Variants in AFF3 observed in about 807,000 individuals in gnomAD.
The protein encoded by AFF3 is AF4/FMR2 family member 3.
Under a neutral mutation model 129.7 loss-of-function variants are expected in AFF3, and 32 were observed. The ratio of observed to expected loss-of-function variants is 0.25; its 90% CI spans 0.19 to 0.33. The LOEUF (loss-of-function observed/expected upper bound fraction) is 0.33. AFF3 is among the 10% of genes least tolerant of loss of function. The probability of loss-of-function intolerance (pLI) is 1.00; values close to 1 mark genes in which losing one functional copy is unlikely to be tolerated. For synonymous variants in AFF3, 644 were observed against 635.4 expected, an observed-to-expected ratio of 1.01 and a Z score of -0.20; for missense variants, 1,373 against 1,592.0, an observed-to-expected ratio of 0.86 and a Z score of 2.34.
At chr2:99,770,333 T>A (rs963343868) in intron 8 of AFF3, among the ~76,000 whole-genome samples, 7 of 152,030 alleles carry the variant, frequency 4.6e-5, no homozygotes, top group Admixed American at 3.9e-4. Flanking sequence ...GGCCCCTCAG[T>A]CAAGTCGTGG....
At chr2:100,017,794 A>C (rs1243851619) in intron 4 of AFF3, among the ~76,000 whole-genome samples, 3 of 152,212 alleles carry the variant, frequency 2.0e-5, no homozygotes, top group African/African-American at 7.2e-5. Context: ...CATAACCAGT[A>C]AGCGACATCA....
At chr2:99,826,956 C>T (rs563485049) in intron 8 of AFF3, among the ~76,000 whole-genome samples, 7 of 151,930 alleles carry the variant, frequency 4.6e-5, no homozygotes, top group South Asian at 2.1e-4. Context: ...GTGGACCCAC[C>T]GGAGGGAGAC....
chr2:99,841,374 C>T (rs1689305944), intron 7 of AFF3, among the ~76,000 whole-genome samples: 1 of 152,192 alleles, frequency 6.6e-6, no homozygotes. Context: ...AACCAGAAGC[C>T]TTGATGGTCT....
At chr2:99,763,343 A>G (rs1382320153) in intron 8 of AFF3, among the ~76,000 whole-genome samples, 1 of 152,170 alleles carries the variant, frequency 6.6e-6, no homozygotes, top group Admixed American at 6.5e-5. Flanking sequence ...AAAACAAACA[A>G]ACCTGTATAG....
chr2:100,106,525 G>T (rs1269748664), intron 2 of AFF3: 19 of 999,818 alleles, frequency 1.9e-5, no homozygotes, highest in Non-Finnish European at 2.3e-5. Flanking sequence ...GTGAGATCGA[G>T]ACATTGAGAC....
intron 13 of AFF3, among the ~76,000 whole-genome samples, chr2:99,646,546 T>C (rs1242335358): frequency 6.6e-6 from 1 of 152,190 alleles, no homozygotes; most frequent in Admixed American, 6.5e-5. Context: ...TGTAAATGAA[T>C]GTATAATAGG....
intron 11 of AFF3, among the ~76,000 whole-genome samples, chr2:99,722,661 G>A (rs1220638096): frequency 6.6e-6 from 1 of 152,136 alleles, no homozygotes; most frequent in Admixed American, 6.6e-5. Context: ...AGCATTTTTG[G>A]CTTTCTAGTT....
intron 12 of AFF3, among the ~76,000 whole-genome samples, chr2:99,658,009 C>T (rs1685902601): frequency 6.6e-6 from 1 of 152,100 alleles, no homozygotes; most frequent in South Asian, 2.1e-4. Context: ...AGAGATAAAC[C>T]CACGTGTGAC....
intron 4 of AFF3, among the ~76,000 whole-genome samples, chr2:100,061,353 G>A (rs893587827): frequency 1.3e-5 from 2 of 152,098 alleles, no homozygotes; most frequent in South Asian, 2.1e-4. Context: ...CCAAGTGACA[G>A]TGTACGGCCC....
intron 11 of AFF3, among the ~76,000 whole-genome samples, chr2:99,674,360 T>C (rs548181338): frequency 1.2e-3 from 185 of 152,328 alleles, no homozygotes; most frequent in African/African-American, 4.3e-3. Context: ...TGTGTTTCCT[T>C]TGTCCTTGAG....
chr2:99,904,298 A>G (rs930106531), intron 7 of AFF3, among the ~76,000 whole-genome samples: 2 of 152,104 alleles, frequency 1.3e-5, no homozygotes, highest in African/African-American at 4.8e-5. Context: ...ATCATGTTCT[A>G]TCTTTAAAAT....
Position 99,779,108 on chromosome 2 carries a change from G to A in AFF3, c.922-26807C>T, listed in dbSNP as rs192574262. The stretch of plus-strand genomic sequence containing the variant: ...GAGCAGACACCCTTGTCTAGCTCCC[G>A]ATCTTAGGGGGAAAGCATCTGCTCT... On this transcript the variant is annotated intron_variant, in intron 8 of 24. Coordinates refer to ENST00000672756, the MANE Select transcript of AFF3 (RefSeq NM_001386135.1). 1.2e-3 allele frequency among the ~76,000 whole-genome samples: 186 copies of A among 152,240 alleles called. 2 individuals carry two copies. The highest frequency in any genetic ancestry group is 0.012 in the Admixed American group (178 of 15,300).
chr2:99,697,378 G>C (rs1422876240), intron 11 of AFF3, among the ~76,000 whole-genome samples: 9 of 152,214 alleles, frequency 5.9e-5, no homozygotes, highest in Non-Finnish European at 1.3e-4. Context: ...ATGTATGGTT[G>C]AGATTGTAGA....
intron 7 of AFF3, among the ~76,000 whole-genome samples, chr2:99,915,193 C>A (rs752119092): frequency 1.3e-5 from 2 of 151,686 alleles, no homozygotes; most frequent in Non-Finnish European, 2.9e-5. Flanking sequence ...AAAAGGCTCT[C>A]GATAATGGAA....
chr2:99,867,589 A>AAAAAAAC (rs1691520564), intron 7 of AFF3, among the ~76,000 whole-genome samples: 1 of 151,476 alleles, frequency 6.6e-6, no homozygotes, highest in Non-Finnish European at 1.5e-5. Context: ...AAAAAAAAAA[A>AAAAAAAC]AAAACATAGC....
chr2:99,854,934 G>A (rs1690414761), intron 7 of AFF3, among the ~76,000 whole-genome samples: 2 of 152,178 alleles, frequency 1.3e-5, no homozygotes, highest in South Asian at 4.1e-4. Flanking sequence ...TAGAACAACT[G>A]GCTACCCATA....
At chr2:99,965,966 C>T (rs897042636) in intron 7 of AFF3, among the ~76,000 whole-genome samples, 5 of 152,144 alleles carry the variant, frequency 3.3e-5, no homozygotes, top group African/African-American at 9.7e-5. Flanking sequence ...ATATACTATA[C>T]ATGAGATTTT....
intron 11 of AFF3, among the ~76,000 whole-genome samples, chr2:99,674,526 T>C (rs539236918): frequency 1.1e-4 from 17 of 152,292 alleles, no homozygotes; most frequent in Admixed American, 7.2e-4. Flanking sequence ...TCCACTCCCA[T>C]GCCCTCTTTT....
intron 7 of AFF3, among the ~76,000 whole-genome samples, chr2:99,940,282 T>C (rs907779830): frequency 6.6e-6 from 1 of 152,186 alleles, no homozygotes; most frequent in Non-Finnish European, 1.5e-5. Context: ...ATATTCCAGT[T>C]CTCCATTTTA....
Sources: allele counts gnomAD v4.1 joint callset (sites outside exome capture counted in the v4.1 genomes callset), GRCh38; gene constraint gnomAD v4.1.1; transcripts MANE v1.5; gene names NCBI Gene and HGNC (gene_info 2026-07-23, HGNC 2026-07-21).